VAMP1: variants seen among roughly 807,000 people sequenced by gnomAD.
VAMP1 encodes vesicle-associated membrane protein 1.
A neutral mutation model predicts 19.1 loss-of-function variants in VAMP1; 16 were observed. That is an observed-to-expected ratio of 0.84 (90% CI 0.57 to 1.27). VAMP1 has a LOEUF of 1.27. VAMP1 is among the 50% of genes most tolerant of loss of function. The pLI is 0.00. For missense variants in VAMP1, 109 were observed against 145.4 expected (o/e 0.75, Z 1.29); for synonymous variants, 37 against 50.2 (o/e 0.74, Z 1.11).
At chr12:6,465,043 G>C in intron 3 of VAMP1, 102 bp from the exon 4 acceptor site, 3 of 1,549,744 alleles carry the variant, frequency 1.9e-6, no homozygotes, top group Admixed American at 1.9e-5. Flanking sequence ...TTGGGACAAT[G>C]GAAAAAACCA....
In VAMP1 at chr12:6,463,512, G is replaced by C. The variant is rs566185897; in HGVS notation, c.*958C>G. The C allele has an allele frequency of 1.4e-5, 15 of 1,039,068 alleles. No individual in the cohort carries two copies. Among genetic ancestry groups the C allele is most frequent in the Non-Finnish European group, 1.7e-5 (15 of 861,768 alleles). The allele number at this position is 1,039,068 out of a possible 1,614,324, so 64.4% of individuals were successfully genotyped here. A position where few individuals can be genotyped will look rare whatever the true frequency, so the allele number is the denominator to read the frequency against. On this transcript the variant is annotated 3_prime_UTR_variant, in exon 5 of 5. Transcript: ENST00000396308. The surrounding 1 kb of genome is among the most constrained non-coding windows in gnomAD (Gnocchi z 4.0). ...ACGCTCCTTCATCAACAGGAAGAGAGGAACAGGACCCTCTTTAACGAGGGC... is the reference window on the plus strand; with the variant it reads ...ACGCTCCTTCATCAACAGGAAGAGACGAACAGGACCCTCTTTAACGAGGGC...
Position 6,464,455 on chromosome 12 carries a change from A to C in VAMP1, c.*15T>G. 2 of 1,564,332 alleles carry C rather than the reference A, an allele frequency of 1.3e-6. No individual in the cohort carries two copies. Among genetic ancestry groups the C allele is most frequent in the Non-Finnish European group, 1.7e-6 (2 of 1,153,964 alleles). ...TGTGGATGGCAATGGACAACAGGGA[A>C]GGGGTGGTACATTCTCAAGTAAAAA... is the stretch of plus-strand genomic sequence containing the variant. On this transcript the variant is annotated 3_prime_UTR_variant, in exon 5 of 5. Coordinates refer to ENST00000396308, the MANE Select transcript of VAMP1 (RefSeq NM_014231.5).
In VAMP1 at chr12:6,470,667, T is replaced by TGGAACTTACTGCAGCTGCCGCGCC. The variant is rs1945753368; in HGVS notation, c.-137_-136insGGCGCGGCAGCTGCAGTAAGTTCC. 5 of 1,132,464 alleles carry TGGAACTTACTGCAGCTGCCGCGCC rather than the reference T, an allele frequency of 4.4e-6. No homozygotes were observed. The African/African-American group carries it at 6.2e-5, about 14-fold the overall frequency. The allele number at this position is 1,132,464 out of a possible 1,614,324, so 70.2% of individuals were successfully genotyped here. A position where few individuals can be genotyped will look rare whatever the true frequency, so the allele number is the denominator to read the frequency against. On this transcript the variant is annotated 5_prime_UTR_variant, in exon 1 of 5. Transcript: ENST00000396308. Reference sequence around the variant, plus strand: ...CGACTACCCCGCGGTCTAGCTGCGCTGGAACTTACTGCAGCTGCCGCGCCG... The same window carrying TGGAACTTACTGCAGCTGCCGCGCC: ...CGACTACCCCGCGGTCTAGCTGCGCTGGAACTTACTGCAGCTGCCGCGCCGGAACTTACTGCAGCTGCCGCGCCG...
chr12:6,468,040 T>C (rs1028403296), intron 1 of VAMP1, among the ~76,000 whole-genome samples: 2 of 152,214 alleles, frequency 1.3e-5, no homozygotes, highest in African/African-American at 4.8e-5. Context: ...CCTCTGCTAG[T>C]GTAGTACAGA....
In VAMP1 at chr12:6,462,969, C is replaced by T; in HGVS notation, c.*1501G>A. ...CTGCCCAGCATGGCCTCAGCCTCTTCCTGTTCGTGGACCGAGGGAAGAAGG... is the reference window on the plus strand; with the variant it reads ...CTGCCCAGCATGGCCTCAGCCTCTTTCTGTTCGTGGACCGAGGGAAGAAGG... On this transcript the variant is annotated 3_prime_UTR_variant, in exon 5 of 5. Transcript: ENST00000396308. 4 of 1,552,442 alleles carry T rather than the reference C, an allele frequency of 2.6e-6. No homozygotes were observed. Among genetic ancestry groups the T allele is most frequent in the South Asian group, 1.2e-5 (1 of 84,134 alleles).
At chr12:6,465,022 T>A in intron 3 of VAMP1, 81 bp from the exon 4 acceptor site, 1 of 1,589,172 alleles carries the variant, frequency 6.3e-7, no homozygotes, top group Non-Finnish European at 8.6e-7. Context: ...GAAACAGAAT[T>A]CCTTCCATCC....
chr12:6,464,443 G>A lies in VAMP1; in HGVS notation c.*27C>T. 3.2e-6 allele frequency: 5 copies of A among 1,565,932 alleles called. No homozygotes were observed. The highest frequency in any genetic ancestry group is 4.3e-6 in the Non-Finnish European group (5 of 1,154,948). On this transcript the variant is annotated 3_prime_UTR_variant, in exon 5 of 5. Coordinates refer to ENST00000396308, the MANE Select transcript of VAMP1 (RefSeq NM_014231.5). ...AGAGGACATGAATGTGGATGGCAAT[G>A]GACAACAGGGAAGGGGTGGTACATT...
At position 6,464,216 on chromosome 12, in the gene VAMP1, G is replaced by A. The variant is rs769134568; in HGVS notation, c.*254C>T. On this transcript the variant is annotated 3_prime_UTR_variant, in exon 5 of 5. Coordinates refer to ENST00000396308, the MANE Select transcript of VAMP1 (RefSeq NM_014231.5). Reference sequence around the variant, plus strand: ...TTTGGGGCTTTGGGGGAACTTGAGAGTACAGAAAAAGCAGGCAGGGAGGAG... The same window carrying A: ...TTTGGGGCTTTGGGGGAACTTGAGAATACAGAAAAAGCAGGCAGGGAGGAG... 2.7e-5 allele frequency: 41 copies of A among 1,501,072 alleles called. No homozygotes were observed. In the South Asian group the frequency reaches 4.7e-4, roughly 17 times the overall value. 93.0% of individuals were successfully genotyped at this position (1,501,072 alleles called of 1,614,324 possible).
intron 1 of VAMP1, chr12:6,467,220 T>A (rs1277435192): frequency 6.2e-6 from 1 of 160,912 alleles, no homozygotes; most frequent in African/African-American, 2.4e-5. Flanking sequence ...GCTGAAAAGA[T>A]ACCCAAAAAT....
chr12:6,469,143 T>C (rs1945705466), intron 1 of VAMP1, among the ~76,000 whole-genome samples: 1 of 152,156 alleles, frequency 6.6e-6, no homozygotes, highest in Admixed American at 6.5e-5. Context: ...TCCATTTCCC[T>C]CTAAGGTGCA....
At chr12:6,470,458 T>C (rs1945744599) in intron 1 of VAMP1, 72 bp downstream of exon 1, 1 of 1,608,598 alleles carries the variant, frequency 6.2e-7, no homozygotes, top group Non-Finnish European at 8.5e-7. Context: ...CCATTTTCCG[T>C]CCCGCAGAAT....
rs1410508292 is a variant in VAMP1, at chr12:6,462,789, A to AG, written c.*1680dup. 6.3e-7 allele frequency: 1 copy of AG among 1,578,916 alleles called. No individual in the cohort carries two copies. The highest frequency in any genetic ancestry group is 8.6e-7 in the Non-Finnish European group (1 of 1,159,422). ...GCCCAGAGGAGAGTGGAGACCTTCG[A>AG]GGGGGGCCGTTGGGAGGGTACTGAC... On this transcript the variant is annotated 3_prime_UTR_variant, in exon 5 of 5. Transcript: ENST00000396308.
chr12:6,462,723 GTTC>G lies in VAMP1; in HGVS notation c.*1744_*1746del, dbSNP rs1949909847. The G allele has an allele frequency of 1.7e-5, 20 of 1,188,748 alleles. No homozygotes were observed. The highest frequency in any genetic ancestry group is 5.1e-5 in the Admixed American group (2 of 39,038). 73.6% of individuals were successfully genotyped at this position (1,188,748 alleles called of 1,614,324 possible). A position where few individuals can be genotyped will look rare whatever the true frequency, so the allele number is the denominator to read the frequency against. ...TTGGGACACATCGAGGACAGTGGTG[GTTC>G]TTCTCCAGCGGTGACCCCCTGCATT... On this transcript the variant is annotated 3_prime_UTR_variant, in exon 5 of 5. Coordinates refer to ENST00000396308, the MANE Select transcript of VAMP1 (RefSeq NM_014231.5).
At chr12:6,468,999 A>G (rs1333913078) in intron 1 of VAMP1, among the ~76,000 whole-genome samples, 1 of 152,240 alleles carries the variant, frequency 6.6e-6, no homozygotes, top group African/African-American at 2.4e-5. Context: ...TAATTACAAT[A>G]GAACTAATAC....
chr12:6,470,258 G>A (rs1252119797), intron 1 of VAMP1, among the ~76,000 whole-genome samples: 2 of 151,046 alleles, frequency 1.3e-5, no homozygotes, highest in East Asian at 4.0e-4. Flanking sequence ...ACCAAAACCA[G>A]AATGAGGCGC....
At position 6,462,423 on chromosome 12, in the gene VAMP1, A is replaced by C; in HGVS notation, c.*2047T>G. 1 of 495,232 alleles carries C rather than the reference A, an allele frequency of 2.0e-6. No homozygotes were observed. The highest frequency in any genetic ancestry group is 3.2e-5 in the East Asian group (1 of 30,900). The allele number at this position is 495,232 out of a possible 1,614,324, so 30.7% of individuals were successfully genotyped here. A position where few individuals can be genotyped will look rare whatever the true frequency, so the allele number is the denominator to read the frequency against. On this transcript the variant is annotated 3_prime_UTR_variant, in exon 5 of 5. Transcript: ENST00000396308. ...TGGAAACCCCACATCGTCTCATGGC[A>C]AACCGAAGAACGGGATGTGGGAAGC...
chr12:6,464,777 G>C (rs1949962556), intron 4 of VAMP1, 113 bp downstream of exon 4: 2 of 1,557,170 alleles, frequency 1.3e-6, no homozygotes, highest in Middle Eastern at 1.7e-4. Context: ...CATAGCAGCG[G>C]TCTCCATACC....
chr12:6,470,561 C>T lies in VAMP1; in HGVS notation c.-30G>A, dbSNP rs1945747751. ...CTGACAGAGAGAGTGAGGGTCTGTT[C>T]CTCTCCGGAGGCTGCGGCGAGACAC... On this transcript the variant is annotated 5_prime_UTR_variant, in exon 1 of 5. Coordinates refer to ENST00000396308, the MANE Select transcript of VAMP1 (RefSeq NM_014231.5). 1.9e-6 allele frequency: 3 copies of T among 1,613,882 alleles called. No individual in the cohort carries two copies. The South Asian group carries it at 3.3e-5, about 18-fold the overall frequency.
rs1418253621 is a variant in VAMP1 at position 6,464,438 on chromosome 12, G to C, written c.*32C>G. On this transcript the variant is annotated 3_prime_UTR_variant, in exon 5 of 5. Transcript: ENST00000396308. ...AGGGCAGAGGACATGAATGTGGATG[G>C]CAATGGACAACAGGGAAGGGGTGGT... 6.4e-7 allele frequency: 1 copy of C among 1,565,510 alleles called. No homozygotes were observed. The highest frequency in any genetic ancestry group is 8.7e-7 in the Non-Finnish European group (1 of 1,154,860).
Sources: allele counts gnomAD v4.1 joint callset (sites outside exome capture counted in the v4.1 genomes callset), GRCh38; gene constraint gnomAD v4.1.1; non-coding constraint Gnocchi (gnomAD v3.1); transcripts MANE v1.5; gene names NCBI Gene and HGNC (gene_info 2026-07-23, HGNC 2026-07-21).